Variants in INSL6 observed in about 807,000 individuals in gnomAD.
The protein encoded by INSL6 is insulin-like peptide INSL6.
In INSL6, 16 loss-of-function variants were observed where a neutral mutation model predicts 9.4. The ratio of observed to expected loss-of-function variants is 1.70; its 90% CI spans 1.15 to 2.59. The LOEUF (loss-of-function observed/expected upper bound fraction) is 2.59. Ranked by LOEUF, INSL6 falls within the 30% of genes most tolerant of loss-of-function variation. The pLI, the probability that INSL6 is intolerant of heterozygous loss-of-function variation, is 0.00. For missense variants in INSL6, 391 were observed against 257.3 expected (o/e 1.52, Z -3.56); for synonymous variants, 154 against 96.9 (o/e 1.59, Z -3.46).
intron 1 of INSL6, among the ~76,000 whole-genome samples, chr9:5,172,169 C>G (rs1249668912): frequency 6.6e-6 from 1 of 152,146 alleles, no homozygotes; most frequent in Non-Finnish European, 1.5e-5. Flanking sequence ...TGTTCCAGAA[C>G]TCAGAAATAA....
At chr9:5,078,418 T>A in the INSL6 span, 1 of 1,612,972 alleles carries the variant, frequency 6.2e-7, no homozygotes, top group South Asian at 1.1e-5. Flanking sequence ...GATCCTGGCA[T>A]TAGTATTACA....
At chr9:5,128,520 A>G (rs1029962228) in intron 3 of INSL6, among the ~76,000 whole-genome samples, 1 of 151,884 alleles carries the variant, frequency 6.6e-6, no homozygotes, top group African/African-American at 2.4e-5. Context: ...TCATACTAAA[A>G]CTTAACTACA....
At chr9:5,123,126 G>T, downstream of INSL6, 2 of 1,547,570 alleles carry the variant, frequency 1.3e-6, no homozygotes, top group Non-Finnish European at 1.8e-6. Context: ...CCAGCGGTCA[G>T]TGTGCTTTTT....
the INSL6 span, among the ~76,000 whole-genome samples, chr9:4,992,758 G>T: frequency 6.6e-6 from 1 of 152,278 alleles, no homozygotes; most frequent in South Asian, 2.1e-4. Flanking sequence ...TTACAAAATG[G>T]AAAAGGCACA....
chr9:5,054,989 T>C, the INSL6 span: 5 of 788,404 alleles, frequency 6.3e-6, no homozygotes, highest in Non-Finnish European at 9.8e-6. This position sits in a 1 kb window ranked among gnomAD's most constrained non-coding sequence, Gnocchi z 4.9. Context: ...CTTCTCCCAT[T>C]TGATAGAAGT....
chr9:5,118,759 G>T, the INSL6 span, among the ~76,000 whole-genome samples: 3 of 152,124 alleles, frequency 2.0e-5, no homozygotes, highest in Non-Finnish European at 2.9e-5. Flanking sequence ...TCTGAGATAT[G>T]CAGGAAAAAA....
chr9:5,116,391 T>C, the INSL6 span, among the ~76,000 whole-genome samples: 1 of 152,236 alleles, frequency 6.6e-6, no homozygotes, highest in African/African-American at 2.4e-5. Context: ...TTTGAGGAAA[T>C]GTCGTCATGA....
chr9:5,027,734 A>G, the INSL6 span, among the ~76,000 whole-genome samples: 2 of 152,234 alleles, frequency 1.3e-5, no homozygotes, highest in Non-Finnish European at 2.9e-5. Context: ...CATTTCAACA[A>G]TATTCACAGC....
chr9:5,091,278 T>G, the INSL6 span: 1 of 160,160 alleles, frequency 6.2e-6, no homozygotes, highest in African/African-American at 2.4e-5. Flanking sequence ...ACTTGGGTGG[T>G]ATAATGGTTA....
chr9:5,021,725 A>G, the INSL6 span, among the ~76,000 whole-genome samples: 16 of 152,256 alleles, frequency 1.1e-4, no homozygotes, highest in African/African-American at 3.1e-4. Flanking sequence ...TCCCAGGTTC[A>G]AGCAATTCTT....
the INSL6 span, among the ~76,000 whole-genome samples, chr9:5,106,309 C>G: frequency 6.6e-5 from 10 of 152,242 alleles, no homozygotes; most frequent in Admixed American, 1.3e-4. Context: ...CTTATCATCA[C>G]TGGTCATCAG....
At chr9:5,011,256 G>A in the INSL6 span, among the ~76,000 whole-genome samples, 1 of 152,058 alleles carries the variant, frequency 6.6e-6, no homozygotes, top group Non-Finnish European at 1.5e-5. Flanking sequence ...TGTGATCACG[G>A]CTTTCTGCAG....
chr9:5,094,676 AAG>A, the INSL6 span: 1 of 152,166 alleles, frequency 6.6e-6, no homozygotes, highest in African/African-American at 2.4e-5. Flanking sequence ...ACTTAACAGA[AAG>A]AGAATCAGAA....
intron 2 of INSL6, among the ~76,000 whole-genome samples, chr9:5,147,549 C>T (rs922258094): frequency 2.6e-5 from 4 of 152,096 alleles, no homozygotes; most frequent in Admixed American, 6.5e-5. Flanking sequence ...AAGGAGATTT[C>T]GGAATGGGGT....
At chr9:5,047,010 C>G in the INSL6 span, among the ~76,000 whole-genome samples, 2 of 152,054 alleles carry the variant, frequency 1.3e-5, no homozygotes, top group African/African-American at 4.8e-5. Flanking sequence ...TCAGAATACT[C>G]AATTTTATCC....
chr9:5,107,150 G>T, the INSL6 span, among the ~76,000 whole-genome samples: 1 of 151,978 alleles, frequency 6.6e-6, no homozygotes, highest in Non-Finnish European at 1.5e-5. Flanking sequence ...TACTGATGAG[G>T]ATCCTACTCT....
the INSL6 span, chr9:5,022,152 G>A: frequency 2.5e-6 from 4 of 1,614,028 alleles, no homozygotes; most frequent in Non-Finnish European, 2.5e-6. Flanking sequence ...CAGATTATCT[G>A]ACCTTTCCAT....
chr9:5,079,812 C>G, the INSL6 span, among the ~76,000 whole-genome samples: 6 of 151,766 alleles, frequency 4.0e-5, no homozygotes, highest in African/African-American at 1.2e-4. Context: ...CAGTGACACC[C>G]TGTCTCAAAA....
chr9:5,104,083 G>A, the INSL6 span, among the ~76,000 whole-genome samples: 15 of 152,270 alleles, frequency 9.9e-5, 1 homozygote, highest in African/African-American at 3.4e-4. Context: ...AGAACTGAAG[G>A]AGATAGAGAC....
Sources: allele counts gnomAD v4.1 joint callset (sites outside exome capture counted in the v4.1 genomes callset), GRCh38; gene constraint gnomAD v4.1.1; non-coding constraint Gnocchi (gnomAD v3.1); transcripts MANE v1.5; gene names NCBI Gene and HGNC (gene_info 2026-07-23, HGNC 2026-07-21).